TLR2: variants seen among roughly 807,000 people sequenced by gnomAD.
TLR2 encodes toll-like receptor 2.
Under a neutral mutation model 9.1 loss-of-function variants are expected in TLR2, and 7 were observed. That is an observed-to-expected ratio of 0.77 (90% CI 0.44 to 1.44). The LOEUF is 1.44. Ranked by LOEUF, TLR2 falls within the 40% of genes most tolerant of loss-of-function variation. TLR2 has a pLI of 0.01. For synonymous variants in TLR2, 317 were observed against 344.6 expected, an observed-to-expected ratio of 0.92 and a Z score of 0.89; for missense variants, 812 against 904.6, an observed-to-expected ratio of 0.90 and a Z score of 1.31.
At position 153,704,041 on chromosome 4, in the gene TLR2, A is replaced by G; in HGVS notation, c.1134A>G (p.Lys378=). Residue 378 remains lysine, a synonymous_variant, in exon 3 of 3, where the codon AAA becomes AAG. Transcript: ENST00000642700. ...ATTTGATGGTTGAAGAATACTTGAA[A>G]AATTCAGCCTGTGAGGATGCCTGGC... is the stretch of plus-strand genomic sequence containing the variant. ...SENLMVEEYL[K]NSACEDAWPS... is the part of the protein sequence containing the mutation. 1 of 1,614,170 alleles carries G rather than the reference A, an allele frequency of 6.2e-7. No homozygotes were observed. The highest frequency in any genetic ancestry group is 1.7e-5 in the Admixed American group (1 of 60,022).
At chr4:153,701,006 A>T (rs1439547536) in intron 2 of TLR2, among the ~76,000 whole-genome samples, 1 of 152,242 alleles carries the variant, frequency 6.6e-6, no homozygotes, top group Admixed American at 6.5e-5. Context: ...AGGCAAAGCA[A>T]TAAAGATTTT....
intron 2 of TLR2, chr4:153,702,550 T>C (rs1383660916): frequency 4.9e-6 from 1 of 202,208 alleles, no homozygotes; most frequent in East Asian, 1.1e-4. Context: ...GCCCATTTCT[T>C]AAAAGGCTTG....
downstream of TLR2, chr4:153,710,481 C>T (rs866963367): frequency 4.5e-5 from 72 of 1,608,320 alleles, no homozygotes; most frequent in Middle Eastern, 1.6e-4. Context: ...AAAATGTGTG[C>T]GCTCCCAGCT....
chr4:153,703,429 C>A lies in TLR2; in HGVS notation c.522C>A (p.Thr174=). 1 of 1,614,008 alleles carries A rather than the reference C, an allele frequency of 6.2e-7. No individual in the cohort carries two copies. The highest frequency in any genetic ancestry group is 8.5e-7 in the Non-Finnish European group (1 of 1,179,986). The change falls in exon 3 of 3, where the codon ACC becomes ACA. Residue 174 remains threonine (T), a synonymous_variant. Coordinates refer to ENST00000642700, the MANE Select transcript of TLR2 (RefSeq NM_001318789.2). The part of the protein sequence containing the change: ...KIQRKDFAGL[T]FLEELEIDAS... ...AAAGAAAAGATTTTGCTGGACTTAC[C>A]TTCCTTGAGGAACTTGAGATTGATG...
At chr4:153,706,435 T>TC (rs1560758988), downstream of TLR2, among the ~76,000 whole-genome samples, 1 of 152,194 alleles carries the variant, frequency 6.6e-6, no homozygotes, top group East Asian at 1.9e-4. Context: ...CTGCCCTTTT[T>TC]CCCCTTCTGA....
chr4:153,705,437 A>C lies in TLR2; in HGVS notation c.*175A>C. ...GTCTGGGGTGCTGTTTTATAAACAT[A>C]TGCCAGATTTAAAAATTGGTTTTTG... is the stretch of plus-strand genomic sequence containing the variant. On this transcript the variant is annotated 3_prime_UTR_variant, in exon 3 of 3. Transcript: ENST00000642700. 1 of 641,418 alleles carries C rather than the reference A, an allele frequency of 1.6e-6. No individual in the cohort carries two copies. Among genetic ancestry groups the C allele is most frequent in the South Asian group, 3.6e-5 (1 of 27,844 alleles). The allele number at this position is 641,418 out of a possible 1,614,324, so 39.7% of individuals were successfully genotyped here.
At chr4:153,702,672 T>G (rs1035059396) in intron 2 of TLR2, 5 of 514,282 alleles carry the variant, frequency 9.7e-6, no homozygotes, top group Non-Finnish European at 1.7e-5. Flanking sequence ...TGGTTGTATG[T>G]CTGTGTTAGC....
Position 153,703,628 on chromosome 4 carries a change from G to C in TLR2, c.721G>C (p.Glu241Gln), listed in dbSNP as rs1380471906. 2 of 1,613,786 alleles carry C rather than the reference G, an allele frequency of 1.2e-6. No homozygotes were observed. The highest frequency in any genetic ancestry group is 2.2e-5 in the South Asian group (2 of 90,986). The change falls in exon 3 of 3, where the codon GAA (glutamate) becomes CAA (glutamine). Residue 241 changes from glutamate to glutamine, a missense_variant. Coordinates refer to ENST00000642700, the MANE Select transcript of TLR2 (RefSeq NM_001318789.2). Reference sequence around the variant, plus strand: ...TGATTTGGACACTTTCCATTTTTCAGAACTATCCACTGGTGAAACAAATTC... The same window carrying C: ...TGATTTGGACACTTTCCATTTTTCACAACTATCCACTGGTGAAACAAATTC... ...DTDLDTFHFS[E>Q]LSTGETNSLI...
At chr4:153,694,058 T>A (rs1736313986) in intron 2 of TLR2, among the ~76,000 whole-genome samples, 1 of 152,348 alleles carries the variant, frequency 6.6e-6, no homozygotes, top group South Asian at 2.1e-4. Context: ...AACAGAGATT[T>A]ACCCACGTAT....
chr4:153,703,642 T>C lies in TLR2; in HGVS notation c.735T>C (p.Gly245=), dbSNP rs756829702. ...DTFHFSELST[G]ETNSLIKKFT... Reference sequence around the variant, plus strand: ...TCCATTTTTCAGAACTATCCACTGGTGAAACAAATTCATTGATTAAAAAGT... The same window carrying C: ...TCCATTTTTCAGAACTATCCACTGGCGAAACAAATTCATTGATTAAAAAGT... Residue 245 remains glycine (G), a synonymous_variant, in exon 3 of 3, where the codon GGT becomes GGC. Transcript: ENST00000642700. 1.9e-6 allele frequency: 3 copies of C among 1,613,166 alleles called. No homozygotes were observed. Among genetic ancestry groups the C allele is most frequent in the Admixed American group, 1.7e-5 (1 of 59,834 alleles).
At chr4:153,684,789 C>T (rs1342629855) in intron 1 of TLR2, among the ~76,000 whole-genome samples, 4 of 152,112 alleles carry the variant, frequency 2.6e-5, no homozygotes, top group Non-Finnish European at 4.4e-5. Context: ...GGCCTCTGGC[C>T]GCCACCTCCC....
At chr4:153,687,568 C>A (rs2127010623) in intron 1 of TLR2, among the ~76,000 whole-genome samples, 1 of 146,620 alleles carries the variant, frequency 6.8e-6, no homozygotes, top group Admixed American at 7.0e-5. Context: ...TAGTATACTA[C>A]ATAAACAAAC....
rs757238850 is a variant in TLR2 at position 153,702,876 on chromosome 4, C to T, written c.-16-16C>T. 1.3e-6 allele frequency: 2 copies of T among 1,499,294 alleles called. No individual in the cohort carries two copies. The highest frequency in any genetic ancestry group is 2.8e-5 in the African/African-American group (2 of 70,254). 92.9% of individuals were successfully genotyped at this position (1,499,294 alleles called of 1,614,324 possible). ...TGTCAAACACAATGACTTATTTGAACCTCTTTTATTTGTAGGTTGAAGCAC... is the reference window on the plus strand; with the variant it reads ...TGTCAAACACAATGACTTATTTGAATCTCTTTTATTTGTAGGTTGAAGCAC... On this transcript the variant is annotated splice_polypyrimidine_tract_variant and intron_variant, in intron 2 of 2. Coordinates refer to ENST00000642700, the MANE Select transcript of TLR2 (RefSeq NM_001318789.2).
chr4:153,693,163 T>G (rs1031215853), intron 2 of TLR2, among the ~76,000 whole-genome samples: 1 of 152,216 alleles, frequency 6.6e-6, no homozygotes, highest in African/African-American at 2.4e-5. Context: ...TTCCCCTTTG[T>G]AATCTGAATC....
At chr4:153,688,906 A>C (rs1346998805) in intron 2 of TLR2, among the ~76,000 whole-genome samples, 2 of 152,244 alleles carry the variant, frequency 1.3e-5, no homozygotes, top group East Asian at 3.8e-4. Context: ...AAAGCAATAA[A>C]AGCAAAGGCA....
chr4:153,705,351 A>G lies in TLR2; in HGVS notation c.*89A>G. On this transcript the variant is annotated 3_prime_UTR_variant, in exon 3 of 3. Transcript: ENST00000642700. ...TTCATTCAGACATAATTATATAAAA[A>G]CTACGTGGATGTACCGTCATTTGAG... is the stretch of plus-strand genomic sequence containing the variant. 1 of 1,340,378 alleles carries G rather than the reference A, an allele frequency of 7.5e-7. No homozygotes were observed. Among genetic ancestry groups the G allele is most frequent in the Non-Finnish European group, 9.9e-7 (1 of 1,008,240 alleles). The allele number at this position is 1,340,378 out of a possible 1,614,324, so 83.0% of individuals were successfully genotyped here.
chr4:153,700,886 T>A (rs4696484), intron 2 of TLR2, among the ~76,000 whole-genome samples: 3 of 152,236 alleles, frequency 2.0e-5, no homozygotes, highest in Non-Finnish European at 4.4e-5. Context: ...GATTATTTCC[T>A]CAAGATGATC....
In TLR2 at chr4:153,684,703, T is replaced by C. The variant is rs546110318; in HGVS notation, c.-163+343T>C. On this transcript the variant is annotated intron_variant, in intron 1 of 2. Transcript: ENST00000642700. ...CCCCGCGCGTGCAGTGCCAATGGGC[T>C]GCGGCTGGGCTGAGCGCCCTTCCAA... is the stretch of plus-strand genomic sequence containing the variant. Among the ~76,000 whole-genome samples, 4 of 152,292 alleles carry C rather than the reference T, an allele frequency of 2.6e-5. No individual in the cohort carries two copies. In the South Asian group the frequency reaches 8.3e-4, roughly 32 times the overall value.
At chr4:153,685,552 G>C (rs116345649) in intron 1 of TLR2, among the ~76,000 whole-genome samples, 2 of 152,150 alleles carry the variant, frequency 1.3e-5, no homozygotes, top group South Asian at 2.1e-4. Context: ...ACAAAAGCAA[G>C]AGCAGAAACT....
Sources: gnomAD v4.1 joint callset for allele counts (sites outside exome capture counted in the v4.1 genomes callset) on GRCh38, gnomAD v4.1.1 for gene constraint, MANE v1.5 for transcripts, NCBI Gene and HGNC (gene_info 2026-07-23, HGNC 2026-07-21) for gene names.